The following MLLT1 variants were observed in gnomAD, a reference collection of about 807,000 sequenced individuals.
MLLT1 encodes protein ENL.
Under a neutral mutation model 55.1 loss-of-function variants are expected in MLLT1, and 11 were observed. The observed-to-expected ratio is 0.20, with a 90% CI of 0.13 to 0.33. MLLT1 has a LOEUF of 0.33. Ranked by LOEUF, MLLT1 falls within the 10% of genes least tolerant of loss-of-function variation. The pLI is 1.00. For synonymous variants in MLLT1, 323 were observed against 320.1 expected (o/e 1.01, Z -0.10); for missense variants, 536 against 760.6 (o/e 0.70, Z 3.47).
chr19:6,269,198 G>A (rs983818897), intron 2 of MLLT1, among the ~76,000 whole-genome samples: 31 of 152,258 alleles, frequency 2.0e-4, no homozygotes, highest in Admixed American at 6.5e-5. Flanking sequence ...GGCTGCACTG[G>A]CAGTGGCCAG....
intron 3 of MLLT1, among the ~76,000 whole-genome samples, chr19:6,261,716 G>C (rs569535464): frequency 9.2e-4 from 140 of 151,828 alleles, no homozygotes; most frequent in Non-Finnish European, 1.4e-3. Flanking sequence ...CCACCACCCA[G>C]ATGACCCGCG....
At chr19:6,248,215 G>A (rs1473670015) in intron 3 of MLLT1, among the ~76,000 whole-genome samples, 1 of 152,108 alleles carries the variant, frequency 6.6e-6, no homozygotes, top group African/African-American at 2.4e-5. Context: ...TTTTATTTTG[G>A]ATTTCTGGAT....
At chr19:6,228,903 CGCGTCTCTCT>C in intron 4 of MLLT1, among the ~76,000 whole-genome samples, 1 of 152,270 alleles carries the variant, frequency 6.6e-6, no homozygotes, top group East Asian at 1.9e-4. Context: ...CTTCAGCCTG[CGCGTCTCTCT>C]GTGGAGCCAG....
At chr19:6,242,810 C>T (rs1369624646) in intron 3 of MLLT1, among the ~76,000 whole-genome samples, 1 of 152,200 alleles carries the variant, frequency 6.6e-6, no homozygotes, top group African/African-American at 2.4e-5. Flanking sequence ...GTGACTGCAT[C>T]TACAGGGCAC....
Position 6,222,285 on chromosome 19 carries a change from G to T in MLLT1, c.946C>A (p.Pro316Thr). The T allele has an allele frequency of 6.2e-7, 1 of 1,610,884 alleles. No individual in the cohort carries two copies. Among genetic ancestry groups the T allele is most frequent in the Non-Finnish European group, 8.5e-7 (1 of 1,178,856 alleles). Residue 316 changes from proline (P) to threonine (T), a missense_variant, in exon 6 of 12, where the codon CCC becomes ACC. Physicochemically the swap from Pro to Thr is conservative, Grantham distance 38. Transcript: ENST00000252674. The surrounding 1 kb of genome is among the most constrained non-coding windows in gnomAD (Gnocchi z 4.1). Reference sequence around the variant, plus strand: ...AAGGAGGAGGAGGAGGAGGTGCGGGGCGAGGTGCCTGGAGCACTCCGGGAC... The same window carrying T: ...AAGGAGGAGGAGGAGGAGGTGCGGGTCGAGGTGCCTGGAGCACTCCGGGAC... ...KGSRSAPGTSPRTSSSSSFSD... is the reference protein window; with the variant it reads ...KGSRSAPGTSTRTSSSSSFSD...
chr19:6,279,810 G>T lies in MLLT1; in HGVS notation c.-26C>A. 1 of 152,762 alleles carries T rather than the reference G, an allele frequency of 6.5e-6. No homozygotes were observed. The highest frequency in any genetic ancestry group is 1.4e-5 in the Non-Finnish European group (1 of 70,936). The allele number at this position is 152,762 out of a possible 1,614,324, so 9.5% of individuals were successfully genotyped here. A position where few individuals can be genotyped will look rare whatever the true frequency, so the allele number is the denominator to read the frequency against. On this transcript the variant is annotated 5_prime_UTR_variant, in exon 1 of 12. Transcript: ENST00000252674. ...GGCTGGCGCCCCGCCCCGCCCCCGG[G>T]CCCCGCGTCGCTCGCCGCCGCCGCC...
chr19:6,226,909 G>A lies in MLLT1; in HGVS notation c.546+68C>T, dbSNP rs1440814521. ...AGGCCCAGCCCAGTGGAGGGAGGGC[G>A]CCGGGGCCAGACCCACCACAGCTGG... On this transcript the variant is annotated intron_variant, in intron 5 of 11. Coordinates refer to ENST00000252674, the MANE Select transcript of MLLT1 (RefSeq NM_005934.4). This position sits in a 1 kb window ranked among gnomAD's most constrained non-coding sequence, Gnocchi z 6.3. 1.4e-5 allele frequency: 20 copies of A among 1,386,292 alleles called. No homozygotes were observed. Among genetic ancestry groups the A allele is most frequent in the Admixed American group, 3.3e-5 (1 of 29,896 alleles). The allele number at this position is 1,386,292 out of a possible 1,614,324, so 85.9% of individuals were successfully genotyped here. A position where few individuals can be genotyped will look rare whatever the true frequency, so the allele number is the denominator to read the frequency against.
In MLLT1 at chr19:6,229,909, T is replaced by G. The variant is rs2090992249; in HGVS notation, c.420+661A>C. On this transcript the variant is annotated intron_variant, in intron 4 of 11. Transcript: ENST00000252674. The surrounding 1 kb of genome is among the most constrained non-coding windows in gnomAD (Gnocchi z 5.2). Reference sequence around the variant, plus strand: ...CACCCCAGCCCGCTCCATCACAGGCTCAGGCTGGCACCCAGGCAAAGGCTC... The same window carrying G: ...CACCCCAGCCCGCTCCATCACAGGCGCAGGCTGGCACCCAGGCAAAGGCTC... 6.6e-6 allele frequency among the ~76,000 whole-genome samples: 1 copy of G among 151,976 alleles called. No homozygotes were observed. Among genetic ancestry groups the G allele is most frequent in the East Asian group, 1.9e-4 (1 of 5,186 alleles).
At chr19:6,245,733 T>A (rs1600198325) in intron 3 of MLLT1, among the ~76,000 whole-genome samples, 1 of 151,476 alleles carries the variant, frequency 6.6e-6, no homozygotes, top group East Asian at 2.0e-4. Context: ...AATAAAATTT[T>A]TTTTTAAAAA....
intron 3 of MLLT1, among the ~76,000 whole-genome samples, chr19:6,246,032 C>T (rs756365933): frequency 2.6e-5 from 4 of 151,306 alleles, no homozygotes; most frequent in South Asian, 2.1e-4. Flanking sequence ...GGGCTGATAT[C>T]GCACCTTTGC....
Position 6,230,497 on chromosome 19 carries a change from T to A in MLLT1, c.420+73A>T. The A allele has an allele frequency of 1.3e-6, 2 of 1,578,086 alleles. No individual in the cohort carries two copies. Among genetic ancestry groups the A allele is most frequent in the African/African-American group, 1.4e-5 (1 of 73,818 alleles). The stretch of plus-strand genomic sequence containing the variant: ...GGCCCCCAGCACCGACACCTCTGGC[T>A]GGGCACAGACGGCCGCAGCAAAGTA... On this transcript the variant is annotated intron_variant, in intron 4 of 11. Transcript: ENST00000252674. This position sits in a 1 kb window ranked among gnomAD's most constrained non-coding sequence, Gnocchi z 9.0.
chr19:6,216,426 G>T lies in MLLT1; in HGVS notation c.1286C>A (p.Thr429Asn). ...TCACCTGGAGTCCCTCCCCGGGTTG[G>T]TCTTGCCGGCAGCCTCCTCGCCTGA... ...SSSGEEAAGKTNPGRDSRLSF... is the reference protein window; with the variant it reads ...SSSGEEAAGKNNPGRDSRLSF... The change falls in exon 8 of 12, where the codon ACC becomes AAC. Residue 429 changes from threonine to asparagine, a missense_variant. Thr to Asn is a moderately conservative substitution (Grantham distance 65, BLOSUM62 0). Transcript: ENST00000252674. The T allele has an allele frequency of 6.2e-7, 1 of 1,608,408 alleles. No homozygotes were observed.
Position 6,212,319 on chromosome 19 carries a change from C to T in MLLT1, c.*723G>A, listed in dbSNP as rs1019951854. On this transcript the variant is annotated 3_prime_UTR_variant, in exon 12 of 12. Coordinates refer to ENST00000252674, the MANE Select transcript of MLLT1 (RefSeq NM_005934.4). ...ACGGCAAAGGGAGAATTCCTCCATG[C>T]GCCTGGAGAGGGCCAGCTGCCGTGC... The T allele has an allele frequency of 9.5e-5, 101 of 1,065,458 alleles. No homozygotes were observed. The highest frequency in any genetic ancestry group is 1.1e-4 in the Non-Finnish European group (96 of 879,304). The allele number at this position is 1,065,458 out of a possible 1,614,324, so 66.0% of individuals were successfully genotyped here.
At chr19:6,272,701 A>G (rs2091405076) in intron 1 of MLLT1, among the ~76,000 whole-genome samples, 1 of 152,204 alleles carries the variant, frequency 6.6e-6, no homozygotes, top group Non-Finnish European at 1.5e-5. Context: ...GGAGGCCTGG[A>G]CGATGCTGGA....
At position 6,262,987 on chromosome 19, in the gene MLLT1, C is replaced by G. The variant is rs904871028; in HGVS notation, c.194-677G>C. On this transcript the variant is annotated intron_variant, in intron 2 of 11. Coordinates refer to ENST00000252674, the MANE Select transcript of MLLT1 (RefSeq NM_005934.4). The surrounding 1 kb of genome is among the most constrained non-coding windows in gnomAD (Gnocchi z 4.4). ...TCACTTCAAGTCAGGAGTTCGAGAC[C>G]AGCCTGGCCAACATGATGAAACTCC... 2 of 152,118 alleles carry G rather than the reference C, an allele frequency of 1.3e-5. No homozygotes were observed. Among genetic ancestry groups the G allele is most frequent in the African/African-American group, 4.8e-5 (2 of 41,382 alleles). 9.4% of individuals were successfully genotyped at this position (152,118 alleles called of 1,614,324 possible). A position where few individuals can be genotyped will look rare whatever the true frequency, so the allele number is the denominator to read the frequency against.
At chr19:6,234,252 C>T (rs1001756813) in intron 3 of MLLT1, among the ~76,000 whole-genome samples, 5 of 152,238 alleles carry the variant, frequency 3.3e-5, no homozygotes, top group Admixed American at 6.5e-5. Context: ...GTGGTGGAGA[C>T]AGGTGGTGAC....
rs2091270618 is a variant in MLLT1 at position 6,257,784 on chromosome 19, G to A, written c.276+4444C>T. Among the ~76,000 whole-genome samples the A allele has an allele frequency of 1.3e-5, 2 of 152,188 alleles. 1 individual carries two copies. The highest frequency in any genetic ancestry group is 1.3e-4 in the Admixed American group (2 of 15,272). On this transcript the variant is annotated intron_variant, in intron 3 of 11. Coordinates refer to ENST00000252674, the MANE Select transcript of MLLT1 (RefSeq NM_005934.4). ...CCACTGCACTCCAGCCTGGCCAAAA[G>A]AGTGAGACTCCATCTCGGAAAAAAA...
intron 2 of MLLT1, among the ~76,000 whole-genome samples, chr19:6,264,930 A>G (rs1600215071): frequency 1.4e-5 from 2 of 147,516 alleles, no homozygotes; most frequent in South Asian, 4.2e-4. Context: ...TCCCAGAAAG[A>G]AAAAAAGAGA....
rs376618984 is a variant in MLLT1, at chr19:6,212,172, G to A, written c.*870C>T. On this transcript the variant is annotated 3_prime_UTR_variant, in exon 12 of 12. Coordinates refer to ENST00000252674, the MANE Select transcript of MLLT1 (RefSeq NM_005934.4). Reference sequence around the variant, plus strand: ...GAGTCTGTCCGCGGAGACTGTTGGCGCTAGTCTGAGTAGAGCCCGAGAGCA... The same window carrying A: ...GAGTCTGTCCGCGGAGACTGTTGGCACTAGTCTGAGTAGAGCCCGAGAGCA... 4 of 1,066,084 alleles carry A rather than the reference G, an allele frequency of 3.8e-6. No individual in the cohort carries two copies. The highest frequency in any genetic ancestry group is 1.6e-5 in the African/African-American group (1 of 61,058). 66.0% of individuals were successfully genotyped at this position (1,066,084 alleles called of 1,614,324 possible). A position where few individuals can be genotyped will look rare whatever the true frequency, so the allele number is the denominator to read the frequency against.
Sources: gnomAD v4.1 joint callset for allele counts (sites outside exome capture counted in the v4.1 genomes callset) on GRCh38, gnomAD v4.1.1 for gene constraint, Gnocchi (gnomAD v3.1) non-coding constraint, MANE v1.5 for transcripts, NCBI Gene and HGNC (gene_info 2026-07-23, HGNC 2026-07-21) for gene names.